Variants in TASP1 observed in about 807,000 individuals in gnomAD.
The protein encoded by TASP1 is threonine aspartase 1.
TASP1 carries 16 observed loss-of-function variants against 56.6 expected under a neutral mutation model. That is an observed-to-expected ratio of 0.28 (90% confidence interval 0.19 to 0.43). TASP1 has a LOEUF of 0.43. Ranked by LOEUF, TASP1 falls within the 20% of genes least tolerant of loss-of-function variation. The pLI is 1.00. For missense variants in TASP1, 393 were observed against 511.6 expected (o/e 0.77, Z 2.24); for synonymous variants, 179 against 184.2 (o/e 0.97, Z 0.23).
the TASP1 span, among the ~76,000 whole-genome samples, chr20:13,122,347 C>T: frequency 6.6e-6 from 1 of 152,298 alleles, no homozygotes; most frequent in South Asian, 2.1e-4. Flanking sequence ...CAGGAACTCC[C>T]CACCTGCTCC....
chr20:13,314,364 C>T, the TASP1 span, among the ~76,000 whole-genome samples: 2 of 151,678 alleles, frequency 1.3e-5, no homozygotes, highest in African/African-American at 4.8e-5. Context: ...AGAAAAAATT[C>T]CAAAAGAAGC....
At chr20:13,206,517 T>G in the TASP1 span, among the ~76,000 whole-genome samples, 1 of 152,164 alleles carries the variant, frequency 6.6e-6, no homozygotes, top group Non-Finnish European at 1.5e-5. Flanking sequence ...AGATAAATTT[T>G]TAAAATAACA....
the TASP1 span, among the ~76,000 whole-genome samples, chr20:13,257,995 T>C: frequency 1.3e-5 from 2 of 152,150 alleles, no homozygotes; most frequent in Non-Finnish European, 2.9e-5. Flanking sequence ...TCAGCCTTAA[T>C]TTCCTTATCT....
At chr20:13,372,847 A>G in the TASP1 span, among the ~76,000 whole-genome samples, 2 of 152,004 alleles carry the variant, frequency 1.3e-5, no homozygotes, top group Non-Finnish European at 2.9e-5. Flanking sequence ...AGAATTCATC[A>G]GAATTTACTT....
chr20:13,363,438 A>G, the TASP1 span, among the ~76,000 whole-genome samples: 1 of 152,212 alleles, frequency 6.6e-6, no homozygotes, highest in Non-Finnish European at 1.5e-5. Flanking sequence ...TTTGCCCTGT[A>G]TATAGCTGTT....
At chr20:13,610,126 G>A (rs900693096) in intron 4 of TASP1, among the ~76,000 whole-genome samples, 6 of 152,172 alleles carry the variant, frequency 3.9e-5, no homozygotes, top group Non-Finnish European at 8.8e-5. Context: ...AGAATGAAGA[G>A]CAACTGCTTG....
chr20:13,232,589 T>C, the TASP1 span, among the ~76,000 whole-genome samples: 4 of 152,248 alleles, frequency 2.6e-5, no homozygotes, highest in African/African-American at 9.6e-5. Context: ...GCTGTGAACA[T>C]TCAGGTATAA....
At chr20:13,210,615 A>ATGTG in the TASP1 span, among the ~76,000 whole-genome samples, 2 of 119,458 alleles carry the variant, frequency 1.7e-5, no homozygotes, top group Non-Finnish European at 3.4e-5. Flanking sequence ...ACATGTGCAC[A>ATGTG]CGTGTGTGTG....
At chr20:13,308,082 C>T in the TASP1 span, among the ~76,000 whole-genome samples, 1 of 152,216 alleles carries the variant, frequency 6.6e-6, no homozygotes, top group Non-Finnish European at 1.5e-5. Flanking sequence ...TCACCCCCTT[C>T]ACTGTCTTTC....
chr20:13,335,275 C>A, the TASP1 span, among the ~76,000 whole-genome samples: 174 of 151,764 alleles, frequency 1.1e-3, no homozygotes, highest in Admixed American at 1.9e-3. Flanking sequence ...ACTATGGACA[C>A]CCCCCATTCC....
chr20:13,214,417 T>C, the TASP1 span, among the ~76,000 whole-genome samples: 23 of 151,920 alleles, frequency 1.5e-4, no homozygotes, highest in Non-Finnish European at 2.4e-4. Context: ...CTTCTGAGAA[T>C]AGGCAGGTGT....
At chr20:13,280,485 TC>T in the TASP1 span, among the ~76,000 whole-genome samples, 1 of 151,360 alleles carries the variant, frequency 6.6e-6, no homozygotes, top group Non-Finnish European at 1.5e-5. Flanking sequence ...CCTTCCAAAT[TC>T]AGTGAGTTAA....
intron 7 of TASP1, among the ~76,000 whole-genome samples, chr20:13,562,124 A>T (rs2046362950): frequency 6.6e-6 from 1 of 152,212 alleles, no homozygotes; most frequent in South Asian, 2.1e-4. Context: ...TGGAGTTAGA[A>T]ATCAATGGTA....
At chr20:13,110,096 TTGG>T in the TASP1 span, 1 of 1,580,278 alleles carries the variant, frequency 6.3e-7, no homozygotes, top group Admixed American at 2.0e-5. Context: ...ATTTTTTTTT[TTGG>T]TATTATTTAA....
In TASP1 at chr20:13,587,339, G is replaced by C. The variant is rs1166907476; in HGVS notation, c.314C>G (p.Ser105Cys). Residue 105 changes from serine to cysteine, a missense_variant, in exon 5 of 14, where the codon TCT becomes TGT. Physicochemically the swap from Ser to Cys is moderately radical, Grantham distance 112. Around this residue, in one of 3 missense-constraint regions of TASP1, gnomAD observed 48 missense variants for 106.2 expected, o/e 0.45. Transcript: ENST00000337743. ...AATTTCACCTAACAGATTTAGATTAGATCCCATTCCTGCATTTGTAAAAGG... is the reference window on the plus strand; with the variant it reads ...AATTTCACCTAACAGATTTAGATTACATCCCATTCCTGCATTTGTAAAAGG... ...DSPFTNAGMG[S>C]NLNLLGEIEC... 1.2e-6 allele frequency: 2 copies of C among 1,609,264 alleles called. No homozygotes were observed. Among genetic ancestry groups the C allele is most frequent in the Non-Finnish European group, 1.7e-6 (2 of 1,177,720 alleles).
chr20:13,549,423 GGTGTGTGT>G (rs138769695), intron 8 of TASP1, among the ~76,000 whole-genome samples: 1 of 150,850 alleles, frequency 6.6e-6, no homozygotes, highest in Non-Finnish European at 1.5e-5. Context: ...ACTTGTAATA[GGTGTGTGT>G]GTGTGTGTAT....
the TASP1 span, among the ~76,000 whole-genome samples, chr20:13,210,114 A>G: frequency 1.3e-5 from 2 of 152,154 alleles, no homozygotes; most frequent in African/African-American, 2.4e-5. Context: ...TTTTGCATCT[A>G]GTTATTTTTT....
At chr20:13,478,346 T>TAC (rs35289716) in intron 11 of TASP1, among the ~76,000 whole-genome samples, 51,925 of 140,074 alleles carry the variant, frequency 0.37, 9,050 homozygotes, top group Non-Finnish European at 0.41. Flanking sequence ...GAAAATATGA[T>TAC]ACACACACAC....
At chr20:13,416,221 TAGAC>T (rs1467703655) in intron 13 of TASP1, among the ~76,000 whole-genome samples, 1 of 152,224 alleles carries the variant, frequency 6.6e-6, no homozygotes, top group African/African-American at 2.4e-5. Context: ...AAAATTCTAT[TAGAC>T]AGTGCTGTTC....
Sources: gnomAD v4.1 joint callset for allele counts (sites outside exome capture counted in the v4.1 genomes callset) on GRCh38, gnomAD v4.1.1 for gene constraint, gnomAD v4.1.1 regional missense constraint, MANE v1.5 for transcripts, NCBI Gene and HGNC (gene_info 2026-07-23, HGNC 2026-07-21) for gene names.